Variants in UNC13C observed in about 807,000 individuals in gnomAD.
UNC13C encodes unc-13 homolog C, also known as protein unc-13 homolog C.
In UNC13C, 174 loss-of-function variants were observed where a neutral mutation model predicts 245.4. The ratio of observed to expected loss-of-function variants is 0.71; its 90% CI spans 0.63 to 0.80. The LOEUF is 0.80. Ranked by LOEUF, UNC13C falls within the 30% of genes least tolerant of loss-of-function variation. UNC13C has a pLI of 0.00. For synonymous variants in UNC13C, 992 were observed against 895.1 expected (o/e 1.11, Z -1.93); for missense variants, 2,829 against 2,602.9 (o/e 1.09, Z -1.89).
chr15:54,233,625 T>C (rs958554993), intron 4 of UNC13C, among the ~76,000 whole-genome samples: 4 of 152,192 alleles, frequency 2.6e-5, no homozygotes, highest in African/African-American at 7.2e-5. Context: ...ATGTTAGTAG[T>C]AGTGGATAAC....
At chr15:54,440,393 A>G (rs1002992850) in intron 19 of UNC13C, among the ~76,000 whole-genome samples, 2 of 152,028 alleles carry the variant, frequency 1.3e-5, no homozygotes, top group Non-Finnish European at 2.9e-5. Flanking sequence ...CCATATATGA[A>G]TGAGAACAGG....
the UNC13C span, among the ~76,000 whole-genome samples, chr15:53,904,633 T>G: frequency 6.6e-6 from 1 of 152,170 alleles, no homozygotes. Context: ...TTCTGAACCT[T>G]ATAGGAAAAC....
intron 17 of UNC13C, among the ~76,000 whole-genome samples, chr15:54,381,115 G>T (rs978901258): frequency 1.3e-5 from 2 of 152,090 alleles, no homozygotes; most frequent in Non-Finnish European, 2.9e-5. Context: ...AGTCTTTAAA[G>T]ATTTTGAGTT....
chr15:54,485,107 C>T (rs1893336421), intron 19 of UNC13C, among the ~76,000 whole-genome samples: 1 of 152,070 alleles, frequency 6.6e-6, no homozygotes, highest in African/African-American at 2.4e-5. Flanking sequence ...GCAGCAGTGA[C>T]TTTTCCCCAT....
chr15:54,447,977 T>A (rs1018820261), intron 19 of UNC13C, among the ~76,000 whole-genome samples: 3 of 152,216 alleles, frequency 2.0e-5, no homozygotes, highest in Non-Finnish European at 4.4e-5. Context: ...TGTTGTGTCT[T>A]TGTTCTCATT....
At chr15:54,305,914 G>A (rs1027790843) in intron 13 of UNC13C, among the ~76,000 whole-genome samples, 4 of 151,850 alleles carry the variant, frequency 2.6e-5, no homozygotes, top group African/African-American at 9.7e-5. Flanking sequence ...CAAATCCCCG[G>A]GTAATTTCAT....
chr15:54,391,515 A>G (rs1234138587), intron 17 of UNC13C, among the ~76,000 whole-genome samples: 1 of 152,116 alleles, frequency 6.6e-6, no homozygotes, highest in East Asian at 1.9e-4. Context: ...AAGATTCACT[A>G]ATATAACCCA....
intron 1 of UNC13C, among the ~76,000 whole-genome samples, chr15:53,993,889 G>A (rs73412898): frequency 0.057 from 8,652 of 151,828 alleles, 505 homozygotes; most frequent in East Asian, 0.2. Flanking sequence ...GTATAATTGG[G>A]GCCCTATTCT....
At chr15:54,045,563 G>A (rs1897000823) in intron 2 of UNC13C, among the ~76,000 whole-genome samples, 2 of 152,264 alleles carry the variant, frequency 1.3e-5, no homozygotes, top group Admixed American at 6.5e-5. Context: ...GGAGGTCGCA[G>A]TACTTTTTCC....
intron 2 of UNC13C, among the ~76,000 whole-genome samples, chr15:54,070,544 G>A (rs1898272915): frequency 1.3e-5 from 2 of 152,070 alleles, no homozygotes; most frequent in African/African-American, 4.8e-5. Context: ...GTACATCACA[G>A]TTTGTCTACA....
chr15:54,248,479 A>C (rs117378697), intron 7 of UNC13C, among the ~76,000 whole-genome samples: 4,121 of 152,326 alleles, frequency 0.027, 80 homozygotes, highest in Non-Finnish European at 0.033. Context: ...AAAGGTGAAT[A>C]ATACATGCTT....
chr15:54,269,428 G>A (rs62011965), intron 10 of UNC13C, among the ~76,000 whole-genome samples: 3,748 of 152,126 alleles, frequency 0.025, 80 homozygotes, highest in East Asian at 0.074. Flanking sequence ...CCAACATAGG[G>A]CATGTCAAAG....
chr15:54,597,528 G>A (rs1482676078), intron 30 of UNC13C, among the ~76,000 whole-genome samples: 2 of 152,132 alleles, frequency 1.3e-5, no homozygotes. Flanking sequence ...GGAAGGAGAG[G>A]GAAGAATGTT....
intron 10 of UNC13C, among the ~76,000 whole-genome samples, chr15:54,282,816 G>C (rs2037034046): frequency 1.3e-5 from 2 of 152,176 alleles, no homozygotes; most frequent in Admixed American, 6.6e-5. Context: ...TCTCAGCGGA[G>C]AGGGGAGCTA....
In UNC13C at chr15:54,627,077, T is replaced by TAAATCTGAAACA. The variant is rs1323700026; in HGVS notation, c.6611_6622dup (p.Lys2204_Thr2207dup). On this transcript the variant is annotated inframe_insertion, in exon 33 of 33. Transcript: ENST00000260323. ...ATGTGGCTAAAGAATTTGTAAGACT[T>TAAATCTGAAACA]AAATCTGAAACAAGATCTACTGAAG... 1 of 1,612,778 alleles carries TAAATCTGAAACA rather than the reference T, an allele frequency of 6.2e-7. No homozygotes were observed. Among genetic ancestry groups the TAAATCTGAAACA allele is most frequent in the South Asian group, 1.1e-5 (1 of 90,994 alleles).
Position 54,088,955 on chromosome 15 carries a change from C to CG in UNC13C, c.2984-54056dup, listed in dbSNP as rs1460570196. Among the ~76,000 whole-genome samples, 8 of 151,916 alleles carry CG rather than the reference C, an allele frequency of 5.3e-5. No homozygotes were observed. In the East Asian group the frequency reaches 7.7e-4, roughly 15 times the overall value. ...CTGGCTTTGGGGTCAGATAACTTGG[C>CG]GGGGGGGAACATCCACATGAAGTTC... On this transcript the variant is annotated intron_variant, in intron 2 of 32. Transcript: ENST00000260323.
At chr15:54,489,235 G>T (rs902051184) in intron 19 of UNC13C, among the ~76,000 whole-genome samples, 3 of 152,154 alleles carry the variant, frequency 2.0e-5, no homozygotes, top group African/African-American at 4.8e-5. Context: ...TACCCAGAAT[G>T]TAACTGAGAG....
At chr15:54,618,866 C>T (rs760614496) in intron 30 of UNC13C, among the ~76,000 whole-genome samples, 8 of 151,898 alleles carry the variant, frequency 5.3e-5, no homozygotes, top group Admixed American at 3.9e-4. Flanking sequence ...GGATAACTTA[C>T]GGAAAAAGTT....
At chr15:54,578,461 G>A (rs965969840) in intron 30 of UNC13C, among the ~76,000 whole-genome samples, 2 of 152,142 alleles carry the variant, frequency 1.3e-5, no homozygotes, top group African/African-American at 4.8e-5. Flanking sequence ...TAGAATCCCT[G>A]TTTCCTGACT....
Sources: gnomAD v4.1 joint callset for allele counts (sites outside exome capture counted in the v4.1 genomes callset) on GRCh38, gnomAD v4.1.1 for gene constraint, MANE v1.5 for transcripts, NCBI Gene and HGNC (gene_info 2026-07-23, HGNC 2026-07-21) for gene names.